SDK1: variants seen among roughly 807,000 people sequenced by gnomAD.
SDK1 encodes sidekick cell adhesion molecule 1.
Under a neutral mutation model 245.5 loss-of-function variants are expected in SDK1, and 157 were observed. That is an observed-to-expected ratio of 0.64 (90% CI 0.56 to 0.73). SDK1 has a LOEUF of 0.73. SDK1 is among the 30% of genes least tolerant of loss of function. The pLI is 0.00. For missense variants in SDK1, 3,583 were observed against 3,002.3 expected (o/e 1.19, Z -4.52); for synonymous variants, 1,647 against 1,278.5 (o/e 1.29, Z -6.15).
At chr7:3,726,556 AT>A (rs749741207) in intron 4 of SDK1, among the ~76,000 whole-genome samples, 1 of 152,188 alleles carries the variant, frequency 6.6e-6, no homozygotes, top group African/African-American at 2.4e-5. Flanking sequence ...GGTTTTATCC[AT>A]TGCAAGGCAA....
chr7:3,324,164 A>C (rs898405290), intron 1 of SDK1, among the ~76,000 whole-genome samples: 4 of 152,036 alleles, frequency 2.6e-5, no homozygotes, highest in African/African-American at 9.7e-5. Context: ...TTCATTTTTC[A>C]TGGTCATTTT....
At chr7:3,662,041 A>AC (rs1390408568) in intron 4 of SDK1, among the ~76,000 whole-genome samples, 10 of 125,742 alleles carry the variant, frequency 8.0e-5, no homozygotes, top group African/African-American at 2.8e-4. Context: ...CAACGGTTGT[A>AC]TTTTTTTTTT....
chr7:4,210,166 A>T lies in SDK1; in HGVS notation c.5539+4A>T. 6.4e-7 allele frequency: 1 copy of T among 1,550,926 alleles called. No homozygotes were observed. Among genetic ancestry groups the T allele is most frequent in the Non-Finnish European group, 8.7e-7 (1 of 1,151,544 alleles). ...GAGCCCTTGGCCCCTGTACAAGGTA[A>T]GACCCGGGGTTGGGGAGATGGGAGC... On this transcript the variant is annotated splice_donor_region_variant and intron_variant, in intron 38 of 44. Coordinates refer to ENST00000404826, the MANE Select transcript of SDK1 (RefSeq NM_152744.4).
At chr7:3,854,969 C>G (rs1024177008) in intron 5 of SDK1, among the ~76,000 whole-genome samples, 1 of 152,126 alleles carries the variant, frequency 6.6e-6, no homozygotes, top group African/African-American at 2.4e-5. Flanking sequence ...GCTCAGTGAA[C>G]TCTAACTGCT....
At chr7:4,244,731 C>G (rs955719482) in intron 43 of SDK1, among the ~76,000 whole-genome samples, 11 of 152,330 alleles carry the variant, frequency 7.2e-5, no homozygotes, top group African/African-American at 2.2e-4. Context: ...GCTGTGTTCT[C>G]ATCTGGAGGC....
At chr7:3,350,668 G>A (rs1246319628) in intron 1 of SDK1, among the ~76,000 whole-genome samples, 1 of 152,152 alleles carries the variant, frequency 6.6e-6, no homozygotes, top group Non-Finnish European at 1.5e-5. Flanking sequence ...CAGTCAGTGA[G>A]GTGTTTGGGA....
At position 3,789,365 on chromosome 7, in the gene SDK1, C is replaced by T. The variant is rs544110313; in HGVS notation, c.714-32085C>T. On this transcript the variant is annotated intron_variant, in intron 4 of 44. Coordinates refer to ENST00000404826, the MANE Select transcript of SDK1 (RefSeq NM_152744.4). ...GCTTCTCCATGTTGGTCAGGCTGGT[C>T]TCCAACCCCCGACCTCAGGTGATCC... 3.9e-4 allele frequency among the ~76,000 whole-genome samples: 60 copies of T among 152,326 alleles called. No homozygotes were observed. In the South Asian group the frequency reaches 0.012, roughly 32 times the overall value.
chr7:4,216,923 G>A (rs1290442738), intron 38 of SDK1, among the ~76,000 whole-genome samples: 1 of 152,076 alleles, frequency 6.6e-6, no homozygotes, highest in African/African-American at 2.4e-5. Context: ...GTCACTCTAG[G>A]GAACACTCCT....
chr7:3,704,335 C>G (rs958814117), intron 4 of SDK1, among the ~76,000 whole-genome samples: 3 of 148,112 alleles, frequency 2.0e-5, no homozygotes, highest in African/African-American at 7.4e-5. Flanking sequence ...TCGATGGGCA[C>G]TTAGGATGAG....
chr7:3,341,736 G>A (rs1025527527), intron 1 of SDK1, among the ~76,000 whole-genome samples: 4 of 152,324 alleles, frequency 2.6e-5, no homozygotes, highest in Non-Finnish European at 4.4e-5. Flanking sequence ...TTCAACATGT[G>A]TAGGATATTT....
chr7:4,134,224 TG>T (rs1366947321), intron 28 of SDK1, among the ~76,000 whole-genome samples: 4 of 152,202 alleles, frequency 2.6e-5, no homozygotes, highest in African/African-American at 4.8e-5. Flanking sequence ...TTTCTGGAGT[TG>T]CTAGACAGAA....
chr7:3,474,379 C>A (rs1781284065), intron 1 of SDK1, among the ~76,000 whole-genome samples: 1 of 152,044 alleles, frequency 6.6e-6, no homozygotes, highest in Non-Finnish European at 1.5e-5. Flanking sequence ...CAGGTGTGAG[C>A]TACTGTGCCC....
At chr7:3,706,306 T>A (rs1459607921) in intron 4 of SDK1, among the ~76,000 whole-genome samples, 1 of 152,234 alleles carries the variant, frequency 6.6e-6, no homozygotes, top group Non-Finnish European at 1.5e-5. Flanking sequence ...GGATTCCCTC[T>A]TTCTCAGTCT....
intron 1 of SDK1, among the ~76,000 whole-genome samples, chr7:3,379,911 A>G (rs1781444401): frequency 6.6e-6 from 1 of 152,186 alleles, no homozygotes; most frequent in Non-Finnish European, 1.5e-5. Flanking sequence ...TATGAGGCAG[A>G]TATTCCCAAA....
At chr7:4,175,334 C>T (rs1186546161) in intron 33 of SDK1, among the ~76,000 whole-genome samples, 1 of 152,224 alleles carries the variant, frequency 6.6e-6, no homozygotes, top group Non-Finnish European at 1.5e-5. Context: ...AGTAGAAGGG[C>T]CCCGGGATGC....
At chr7:3,850,178 C>G (rs1780382773) in intron 5 of SDK1, among the ~76,000 whole-genome samples, 1 of 152,194 alleles carries the variant, frequency 6.6e-6, no homozygotes, top group African/African-American at 2.4e-5. Flanking sequence ...CCCTTCGAGT[C>G]TGGCCCTGCC....
At chr7:3,468,006 T>A (rs1263356430) in intron 1 of SDK1, among the ~76,000 whole-genome samples, 1 of 152,144 alleles carries the variant, frequency 6.6e-6, no homozygotes, top group Non-Finnish European at 1.5e-5. Context: ...TAAATCGTTT[T>A]CCACTGTAGA....
intron 19 of SDK1, among the ~76,000 whole-genome samples, chr7:4,058,992 C>G (rs1779373156): frequency 6.6e-6 from 1 of 151,722 alleles, no homozygotes; most frequent in South Asian, 2.1e-4. Context: ...CACCAAACCT[C>G]AAAAATAAAC....
chr7:4,172,297 G>A (rs578076830), intron 32 of SDK1, among the ~76,000 whole-genome samples: 4 of 152,286 alleles, frequency 2.6e-5, no homozygotes, highest in Admixed American at 1.3e-4. Flanking sequence ...TGAGTCTGCC[G>A]GGTACACACG....
Sources: gnomAD v4.1 joint callset for allele counts (sites outside exome capture counted in the v4.1 genomes callset) on GRCh38, gnomAD v4.1.1 for gene constraint, MANE v1.5 for transcripts, NCBI Gene and HGNC (gene_info 2026-07-23, HGNC 2026-07-21) for gene names.